Variants in DPP10 observed in about 807,000 individuals in gnomAD.
DPP10 encodes the protein inactive dipeptidyl peptidase 10.
In DPP10, 33 loss-of-function variants were observed where a neutral mutation model predicts 120.9. The ratio of observed to expected loss-of-function variants is 0.27; its 90% CI spans 0.21 to 0.37. The LOEUF is 0.37. Among genes scored for constraint, DPP10 ranks in the 10% least tolerant of loss-of-function variants. The probability of loss-of-function intolerance (pLI) is 1.00; values close to 1 mark genes in which losing one functional copy is unlikely to be tolerated. For missense variants in DPP10, 816 were observed against 942.8 expected (o/e 0.87, Z 1.76); for synonymous variants, 337 against 326.1 (o/e 1.03, Z -0.36).
intron 2 of DPP10, among the ~76,000 whole-genome samples, chr2:115,341,921 C>T (rs977047208): frequency 6.6e-6 from 1 of 152,076 alleles, no homozygotes; most frequent in Non-Finnish European, 1.5e-5. Flanking sequence ...GTAGGTTTTT[C>T]TGTGTTAATA....
intron 1 of DPP10, among the ~76,000 whole-genome samples, chr2:114,561,128 A>T (rs1688730400): frequency 6.6e-6 from 1 of 152,036 alleles, no homozygotes. Flanking sequence ...TATTTCCTTA[A>T]CAGACCTGTA....
At chr2:115,368,105 G>C (rs1289771292) in intron 3 of DPP10, among the ~76,000 whole-genome samples, 2 of 152,138 alleles carry the variant, frequency 1.3e-5, no homozygotes, top group East Asian at 3.8e-4. Context: ...AGGTTTACCT[G>C]AACTCCTTAC....
At chr2:115,224,263 A>C (rs2057324421) in intron 1 of DPP10, among the ~76,000 whole-genome samples, 1 of 152,262 alleles carries the variant, frequency 6.6e-6, no homozygotes, top group African/African-American at 2.4e-5. Context: ...AATTGAGTTA[A>C]CTATGTGAAA....
At chr2:114,488,570 A>T (rs2104715736) in intron 1 of DPP10, among the ~76,000 whole-genome samples, 1 of 152,314 alleles carries the variant, frequency 6.6e-6, no homozygotes, top group South Asian at 2.1e-4. Flanking sequence ...GAATTATAGT[A>T]CTTAATATCC....
chr2:114,468,397 C>CAAAAAAAAAAAAAAAAA (rs71297186), intron 1 of DPP10, among the ~76,000 whole-genome samples: 14 of 69,546 alleles, frequency 2.0e-4, no homozygotes, highest in African/African-American at 6.9e-4. Context: ...GCTTACAATG[C>CAAAAAAAAAAAAAAAAA]AAAAAAAAAA....
chr2:115,840,629 T>G, intron 24 of DPP10, 121 bp from the exon 25 acceptor site: 2 of 1,025,404 alleles, frequency 2.0e-6, no homozygotes, highest in Non-Finnish European at 2.8e-6. Flanking sequence ...CAGCCAGATA[T>G]AAGTCTTTTA....
chr2:115,621,466 A>G (rs997067707), intron 5 of DPP10, among the ~76,000 whole-genome samples: 12 of 152,124 alleles, frequency 7.9e-5, no homozygotes, highest in Admixed American at 6.6e-4. Context: ...GAGCCCCCTT[A>G]ATTTTATGGA....
At chr2:115,565,278 TCACC>T (rs1348347932) in intron 5 of DPP10, among the ~76,000 whole-genome samples, 1 of 152,198 alleles carries the variant, frequency 6.6e-6, no homozygotes, top group East Asian at 1.9e-4. Flanking sequence ...TATAAACCCT[TCACC>T]CAGATTCTCT....
intron 1 of DPP10, among the ~76,000 whole-genome samples, chr2:114,472,465 C>A (rs891084051): frequency 2.0e-5 from 3 of 152,168 alleles, no homozygotes; most frequent in Admixed American, 2.0e-4. Context: ...TTGGCTGGAA[C>A]AAACAGTAAA....
chr2:115,369,797 C>T (rs917094703), intron 3 of DPP10, among the ~76,000 whole-genome samples: 12 of 151,996 alleles, frequency 7.9e-5, no homozygotes, highest in African/African-American at 1.4e-4. Flanking sequence ...GCTTTCTGCT[C>T]GGTATTTGAG....
intron 1 of DPP10, among the ~76,000 whole-genome samples, chr2:114,708,680 G>A (rs758968355): frequency 7.2e-5 from 11 of 152,164 alleles, no homozygotes; most frequent in East Asian, 1.9e-4. Flanking sequence ...AAGGAAGAAC[G>A]TGAAGCTAAT....
chr2:114,493,649 TA>T (rs1235326612), intron 1 of DPP10, among the ~76,000 whole-genome samples: 2 of 151,316 alleles, frequency 1.3e-5, no homozygotes, highest in Admixed American at 1.3e-4. Flanking sequence ...GAGGATTCAT[TA>T]CCATAAAAAA....
rs570830058 is a variant in DPP10, at chr2:115,246,396, A to G, written c.61-62843A>G. On this transcript the variant is annotated intron_variant, in intron 1 of 25. Transcript: ENST00000410059. ...GACAAACTTTATTCTGCCTGGGGAA[A>G]GCACTGGGGTTTTCCAGAAGAGGTC... Among the ~76,000 whole-genome samples, 4 of 152,292 alleles carry G rather than the reference A, an allele frequency of 2.6e-5. No homozygotes were observed. The South Asian group carries it at 8.3e-4, about 32-fold the overall frequency.
intron 1 of DPP10, among the ~76,000 whole-genome samples, chr2:115,125,832 T>C (rs928868863): frequency 6.6e-6 from 1 of 152,132 alleles, no homozygotes; most frequent in African/African-American, 2.4e-5. Context: ...TTCGCCCTCC[T>C]TGGCCTCCCA....
chr2:114,859,979 A>C (rs933232026), intron 1 of DPP10, among the ~76,000 whole-genome samples: 3 of 152,192 alleles, frequency 2.0e-5, no homozygotes, highest in African/African-American at 7.2e-5. Context: ...ATGCATTTCT[A>C]ATACAGTTTT....
intron 5 of DPP10, among the ~76,000 whole-genome samples, chr2:115,559,569 A>C (rs1215350775): frequency 2.6e-5 from 4 of 152,156 alleles, no homozygotes; most frequent in Non-Finnish European, 5.9e-5. Flanking sequence ...TAATATTAAT[A>C]ATATTAAAAT....
chr2:115,489,590 CA>C (rs1165131091), intron 3 of DPP10, among the ~76,000 whole-genome samples: 1 of 146,638 alleles, frequency 6.8e-6, no homozygotes, highest in Non-Finnish European at 1.5e-5. Flanking sequence ...TCCTACAAAC[CA>C]AAAAATTTTG....
chr2:114,773,356 T>TCAA (rs1681439527), intron 1 of DPP10, among the ~76,000 whole-genome samples: 2 of 48,464 alleles, frequency 4.1e-5, no homozygotes, highest in African/African-American at 1.1e-4. Flanking sequence ...AAATTATAAC[T>TCAA]CAGCAGGCCT....
chr2:115,784,752 G>A (rs998461193), intron 17 of DPP10, among the ~76,000 whole-genome samples: 4 of 152,006 alleles, frequency 2.6e-5, no homozygotes, highest in Admixed American at 6.5e-5. Flanking sequence ...GGCTGGTCTC[G>A]AACTCACAAC....
Sources: allele counts gnomAD v4.1 joint callset (sites outside exome capture counted in the v4.1 genomes callset), GRCh38; gene constraint gnomAD v4.1.1; transcripts MANE v1.5; gene names NCBI Gene and HGNC (gene_info 2026-07-23, HGNC 2026-07-21).